WDR35: variants seen among roughly 807,000 people sequenced by gnomAD.
WDR35 encodes the protein WD repeat-containing protein 35.
In WDR35, 118 loss-of-function variants were observed where a neutral mutation model predicts 158.3. The ratio of observed to expected loss-of-function variants is 0.75; its 90% CI spans 0.64 to 0.87. WDR35 has a LOEUF of 0.87. WDR35 is among the 40% of genes least tolerant of loss of function. WDR35 has a pLI of 0.00. For synonymous variants in WDR35, 448 were observed against 476.1 expected (o/e 0.94, Z 0.77); for missense variants, 1,263 against 1,405.8 (o/e 0.90, Z 1.62).
At position 19,912,387 on chromosome 2, in the gene WDR35, A is replaced by G. The variant is rs183525447; in HGVS notation, c.*1171T>C. On this transcript the variant is annotated 3_prime_UTR_variant, in exon 27 of 27. Coordinates refer to ENST00000281405, the MANE Select transcript of WDR35 (RefSeq NM_020779.4). ...CAAAGACTTCTGGTCTTCTCTTTTT[A>G]TTTAGGCCAATGAGCCCACTCTCTA... The G allele has an allele frequency of 6.6e-6, 1 of 152,248 alleles. No homozygotes were observed. The highest frequency in any genetic ancestry group is 2.4e-5 in the African/African-American group (1 of 41,554). The allele number at this position is 152,248 out of a possible 1,614,324, so 9.4% of individuals were successfully genotyped here.
At position 19,951,808 on chromosome 2, in the gene WDR35, C is replaced by G. The variant is rs538493527; in HGVS notation, c.1401-324G>C. 7.7e-4 allele frequency: 148 copies of G among 191,808 alleles called. 1 individual carries two copies. The highest frequency in any genetic ancestry group is 2.3e-3 in the Middle Eastern group (1 of 428). The allele number at this position is 191,808 out of a possible 1,614,324, so 11.9% of individuals were successfully genotyped here. A position where few individuals can be genotyped will look rare whatever the true frequency, so the allele number is the denominator to read the frequency against. On this transcript the variant is annotated intron_variant, in intron 12 of 26. Transcript: ENST00000281405. ...CCACTTGAACATCAGTAAAGAGTAA[C>G]ATCTAATTCACTAACTTTCTCTGTT...
chr2:19,921,122 G>A (rs540605233), intron 25 of WDR35, among the ~76,000 whole-genome samples: 19 of 152,178 alleles, frequency 1.2e-4, no homozygotes, highest in Non-Finnish European at 2.8e-4. Flanking sequence ...TCATGGATAG[G>A]AAGAACCAAT....
intron 6 of WDR35, among the ~76,000 whole-genome samples, chr2:19,974,920 T>C (rs1320557001): frequency 6.6e-6 from 1 of 152,212 alleles, no homozygotes; most frequent in East Asian, 1.9e-4. Flanking sequence ...TAAAAGTTCA[T>C]TATTTTACTT....
At chr2:19,936,488 A>T (rs1670701814) in intron 19 of WDR35, 123 bp from the exon 20 acceptor site, 28 of 1,436,672 alleles carry the variant, frequency 1.9e-5, no homozygotes, top group Non-Finnish European at 2.5e-5. Flanking sequence ...GTGACTCTCC[A>T]AACACTTTAG....
At chr2:19,938,039 T>C in intron 18 of WDR35, 93 bp from the exon 19 acceptor site, 1 of 1,491,438 alleles carries the variant, frequency 6.7e-7, no homozygotes, top group African/African-American at 1.4e-5. Context: ...TTATGTCTAT[T>C]ATTTCTAGAG....
intron 9 of WDR35, among the ~76,000 whole-genome samples, chr2:19,969,175 G>A (rs1219530831): frequency 8.5e-5 from 13 of 152,178 alleles, no homozygotes; most frequent in Non-Finnish European, 1.6e-4. Flanking sequence ...TAATCTTTGG[G>A]TGGTACTTTT....
At chr2:19,939,162 T>G (rs529244110) in intron 17 of WDR35, among the ~76,000 whole-genome samples, 1 of 152,252 alleles carries the variant, frequency 6.6e-6, no homozygotes, top group South Asian at 2.1e-4. Flanking sequence ...ACTAAAAGAT[T>G]AATCAAAATT....
At chr2:19,982,619 A>G (rs1672420665) in intron 2 of WDR35, 85 bp from the exon 3 acceptor site, 1 of 1,402,210 alleles carries the variant, frequency 7.1e-7, no homozygotes, top group Non-Finnish European at 9.8e-7. Flanking sequence ...ATTCCTGGGC[A>G]GTATTAATCA....
intron 13 of WDR35, among the ~76,000 whole-genome samples, chr2:19,950,406 T>A (rs1465561304): frequency 6.6e-6 from 1 of 152,120 alleles, no homozygotes; most frequent in African/African-American, 2.4e-5. Flanking sequence ...AGGGGAAAGA[T>A]GAATACAGAA....
At chr2:19,940,253 G>T (rs1670831385) in intron 17 of WDR35, among the ~76,000 whole-genome samples, 1 of 150,900 alleles carries the variant, frequency 6.6e-6, no homozygotes, top group Admixed American at 6.6e-5. Context: ...TGGGACCCCA[G>T]CTACTCAGGA....
chr2:19,949,226 A>T (rs1490815517), intron 13 of WDR35, among the ~76,000 whole-genome samples: 1 of 152,354 alleles, frequency 6.6e-6, no homozygotes, highest in African/African-American at 2.4e-5. Flanking sequence ...ACATTCAGGA[A>T]ATTTCAAGTT....
chr2:19,964,381 C>CT (rs558586617), intron 10 of WDR35, among the ~76,000 whole-genome samples: 45,922 of 113,514 alleles, frequency 0.4, 9,083 homozygotes, highest in East Asian at 0.6. Flanking sequence ...CTTTTCTTTT[C>CT]TTTTTTTTTT....
intron 16 of WDR35, among the ~76,000 whole-genome samples, chr2:19,943,178 A>G (rs1670931508): frequency 6.6e-6 from 1 of 152,126 alleles, no homozygotes; most frequent in Admixed American, 6.5e-5. Context: ...AATATTAATA[A>G]TGCAAGCACA....
At chr2:19,976,460 G>A (rs1293862182) in intron 5 of WDR35, among the ~76,000 whole-genome samples, 1 of 151,966 alleles carries the variant, frequency 6.6e-6, no homozygotes, top group African/African-American at 2.4e-5. Flanking sequence ...TATACTAATA[G>A]TCCAGACCTC....
In WDR35 at chr2:19,933,399, A is replaced by G; in HGVS notation, c.2658+2T>C. On this transcript the variant is annotated splice_donor_variant, in intron 22 of 26. Coordinates refer to ENST00000281405, the MANE Select transcript of WDR35 (RefSeq NM_020779.4). LOFTEE classifies it high-confidence loss of function. ...GCACAGACAGAAAGTTTCAGTTCCT[A>G]CTTGGTTGAGATGTACGCAGGTATC... The G allele has an allele frequency of 1.2e-6, 2 of 1,611,788 alleles. No homozygotes were observed. Among genetic ancestry groups the G allele is most frequent in the Non-Finnish European group, 1.7e-6 (2 of 1,178,032 alleles).
intron 25 of WDR35, among the ~76,000 whole-genome samples, chr2:19,922,782 C>T (rs1321735217): frequency 6.6e-6 from 1 of 152,132 alleles, no homozygotes; most frequent in Non-Finnish European, 1.5e-5. Context: ...TGGCCATAAA[C>T]CAGCCCCAAA....
intron 20 of WDR35, 23 bp from the exon 21 acceptor site, chr2:19,935,626 A>C (rs1180655670): frequency 1.9e-6 from 3 of 1,606,974 alleles, no homozygotes; most frequent in Non-Finnish European, 1.7e-6. Flanking sequence ...AAAAGGAAAA[A>C]CTTTTAAAAC....
At position 19,970,410 on chromosome 2, in the gene WDR35, G is replaced by A. The variant is rs1329089970; in HGVS notation, c.883-805C>T. On this transcript the variant is annotated intron_variant, in intron 8 of 26. Coordinates refer to ENST00000281405, the MANE Select transcript of WDR35 (RefSeq NM_020779.4). ...TCTACAATTACCTTTTTAATGGACT[G>A]CATTGTGGTAATAGCTTCCTAACTT... is the stretch of plus-strand genomic sequence containing the variant. 2.6e-5 allele frequency among the ~76,000 whole-genome samples: 4 copies of A among 152,182 alleles called. No homozygotes were observed. The East Asian group carries it at 5.8e-4, about 22-fold the overall frequency.
chr2:19,951,510 G>C (rs1671235249), intron 12 of WDR35, 26 bp from the exon 13 acceptor site: 1 of 1,563,744 alleles, frequency 6.4e-7, no homozygotes, highest in African/African-American at 1.4e-5. Context: ...GAATTTCAAA[G>C]AAAGTTTAAG....
Sources: gnomAD v4.1 joint callset for allele counts (sites outside exome capture counted in the v4.1 genomes callset) on GRCh38, gnomAD v4.1.1 for gene constraint, MANE v1.5 for transcripts, NCBI Gene and HGNC (gene_info 2026-07-23, HGNC 2026-07-21) for gene names.